Variants in APP observed in about 807,000 individuals in gnomAD.
APP encodes amyloid beta precursor protein.
A neutral mutation model predicts 101.4 loss-of-function variants in APP; 31 were observed. The ratio of observed to expected loss-of-function variants is 0.31; its 90% CI spans 0.23 to 0.41. The LOEUF is 0.41. Ranked by LOEUF, APP falls within the 10% of genes least tolerant of loss-of-function variation. APP has a pLI of 1.00. For synonymous variants in APP, 366 were observed against 364.4 expected (o/e 1.00, Z -0.05); for missense variants, 839 against 1,003.7 (o/e 0.84, Z 2.22).
At chr21:25,942,870 A>G (rs890277985) in intron 13 of APP, among the ~76,000 whole-genome samples, 2 of 152,130 alleles carry the variant, frequency 1.3e-5, no homozygotes, top group Non-Finnish European at 1.5e-5. Context: ...GTGATGGACG[A>G]TGCATCACGG....
In APP at chr21:26,152,096, G is replaced by A. The variant is rs550735660; in HGVS notation, c.57+18468C>T. 2.5e-3 allele frequency among the ~76,000 whole-genome samples: 380 copies of A among 152,032 alleles called. 2 individuals are homozygous for A. Among genetic ancestry groups the A allele is most frequent in the Middle Eastern group, 0.01 (3 of 294 alleles). On this transcript the variant is annotated intron_variant, in intron 1 of 17. Coordinates refer to ENST00000346798, the MANE Select transcript of APP (RefSeq NM_000484.4). ...TCAAGACCATCCTGGCCAACATGGTGAAACCCTATCTCTACTAAAAATACA... is the reference window on the plus strand; with the variant it reads ...TCAAGACCATCCTGGCCAACATGGTAAAACCCTATCTCTACTAAAAATACA...
At position 26,103,524 on chromosome 21, in the gene APP, C is replaced by G. The variant is rs1023584455; in HGVS notation, c.225+8455G>C. Among the ~76,000 whole-genome samples the G allele has an allele frequency of 9.9e-5, 15 of 152,196 alleles. 1 individual carries two copies. Among genetic ancestry groups the G allele is most frequent in the Admixed American group, 6.5e-4 (10 of 15,292 alleles). ...GCTGAGGCATGAGAATCACTTGAACCCAGGAGGCAGAGGTTGCAGTGGGTT... is the reference window on the plus strand; with the variant it reads ...GCTGAGGCATGAGAATCACTTGAACGCAGGAGGCAGAGGTTGCAGTGGGTT... On this transcript the variant is annotated intron_variant, in intron 2 of 17. Transcript: ENST00000346798.
chr21:25,913,012 T>C (rs896282299), intron 13 of APP, among the ~76,000 whole-genome samples: 3 of 152,366 alleles, frequency 2.0e-5, no homozygotes, highest in East Asian at 3.9e-4. Context: ...TTTCCAATCA[T>C]AGCTGTGTCA....
chr21:25,905,517 T>C (rs564885157), intron 14 of APP, among the ~76,000 whole-genome samples: 122 of 152,354 alleles, frequency 8.0e-4, no homozygotes, highest in Non-Finnish European at 1.5e-3. Context: ...AAAAGGACTC[T>C]GTTAAATTTC....
At chr21:26,143,171 A>C (rs990099284) in intron 1 of APP, among the ~76,000 whole-genome samples, 1 of 152,208 alleles carries the variant, frequency 6.6e-6, no homozygotes, top group African/African-American at 2.4e-5. Context: ...AAAAAAATGT[A>C]ATAAAGATAC....
At chr21:26,120,163 C>T (rs1208284409) in intron 1 of APP, among the ~76,000 whole-genome samples, 5 of 152,106 alleles carry the variant, frequency 3.3e-5, no homozygotes. Flanking sequence ...GGCTTTGCAG[C>T]ATTTTTGTGG....
chr21:25,894,746 C>T (rs190596016), intron 16 of APP, among the ~76,000 whole-genome samples: 58 of 152,304 alleles, frequency 3.8e-4, no homozygotes, highest in Middle Eastern at 3.4e-3. Context: ...GAAATGACAA[C>T]AAAGGATTTA....
chr21:25,990,086 T>C (rs181736316), intron 8 of APP, among the ~76,000 whole-genome samples: 2 of 147,800 alleles, frequency 1.4e-5, no homozygotes, highest in African/African-American at 5.1e-5. Context: ...TACCAGACTC[T>C]CTTAAAAACA....
At chr21:26,092,573 A>T (rs1166484249) in intron 2 of APP, among the ~76,000 whole-genome samples, 1 of 152,220 alleles carries the variant, frequency 6.6e-6, no homozygotes, top group Non-Finnish European at 1.5e-5. Context: ...TAGGGCAGTG[A>T]AACTACTCTG....
At chr21:25,936,985 A>G (rs1033081901) in intron 13 of APP, among the ~76,000 whole-genome samples, 3 of 152,148 alleles carry the variant, frequency 2.0e-5, no homozygotes, top group Non-Finnish European at 4.4e-5. Context: ...AATGACAAGG[A>G]AGTGATTTAT....
chr21:25,915,611 C>A (rs544982596), intron 13 of APP, among the ~76,000 whole-genome samples: 1 of 152,324 alleles, frequency 6.6e-6, no homozygotes, highest in East Asian at 1.9e-4. Flanking sequence ...ACTTAATCAC[C>A]GTTAGTCCTA....
At chr21:25,943,289 G>C (rs1255750919) in intron 13 of APP, 2 of 152,218 alleles carry the variant, frequency 1.3e-5, no homozygotes, top group African/African-American at 4.8e-5. Flanking sequence ...CTAAGTAGCT[G>C]GGATTACAGG....
chr21:26,100,869 A>C (rs2062038965), intron 2 of APP, among the ~76,000 whole-genome samples: 1 of 152,200 alleles, frequency 6.6e-6, no homozygotes, highest in Non-Finnish European at 1.5e-5. Flanking sequence ...GAGATGATAA[A>C]GCCACGTTCA....
chr21:25,959,936 C>T (rs2041504531), intron 11 of APP, among the ~76,000 whole-genome samples: 1 of 152,180 alleles, frequency 6.6e-6, no homozygotes, highest in Admixed American at 6.5e-5. Context: ...ATATTCCTAA[C>T]TTATCCTGAA....
At chr21:26,025,283 C>T (rs952030445) in intron 5 of APP, among the ~76,000 whole-genome samples, 1 of 152,216 alleles carries the variant, frequency 6.6e-6, no homozygotes, top group Non-Finnish European at 1.5e-5. Context: ...TGATGCATGT[C>T]ATCAGTTAAT....
intron 2 of APP, among the ~76,000 whole-genome samples, chr21:26,111,517 G>A (rs1231281122): frequency 1.3e-5 from 2 of 152,004 alleles, no homozygotes; most frequent in East Asian, 1.9e-4. Context: ...CCAGAGGATC[G>A]CTTGAGCCCA....
chr21:26,050,953 A>G (rs1412594427), intron 5 of APP, 47 bp downstream of exon 5: 3 of 1,593,214 alleles, frequency 1.9e-6, no homozygotes, highest in Admixed American at 1.7e-5. Context: ...AATACTCCAT[A>G]CAAGATGTTT....
intron 5 of APP, among the ~76,000 whole-genome samples, chr21:26,028,176 C>CAA (rs200301180): frequency 1.1e-4 from 10 of 93,478 alleles, no homozygotes; most frequent in African/African-American, 2.5e-4. Flanking sequence ...GACTCTGTCT[C>CAA]AAAAAAAAAA....
At chr21:25,943,782 A>G (rs1410775273) in intron 13 of APP, among the ~76,000 whole-genome samples, 1 of 152,248 alleles carries the variant, frequency 6.6e-6, no homozygotes. Context: ...TACAAATAAA[A>G]GTGGTGACTG....
Sources: gnomAD v4.1 joint callset for allele counts (sites outside exome capture counted in the v4.1 genomes callset) on GRCh38, gnomAD v4.1.1 for gene constraint, MANE v1.5 for transcripts, NCBI Gene and HGNC (gene_info 2026-07-23, HGNC 2026-07-21) for gene names.